The following ZNF469 variants were observed in gnomAD, a reference collection of about 807,000 sequenced individuals.
ZNF469 encodes zinc finger protein 469.
In ZNF469, 1 loss-of-function variant was observed where a neutral mutation model predicts 1.0. That is an observed-to-expected ratio of 1.00 (90% CI 0.35 to 4.73). The LOEUF (loss-of-function observed/expected upper bound fraction) is 4.73. Among genes scored for constraint, ZNF469 ranks in the 30% most tolerant of loss-of-function variants. The pLI is 0.16. For synonymous variants in ZNF469, 2,703 were observed against 2,363.4 expected, an observed-to-expected ratio of 1.14 and a Z score of -4.17; for missense variants, 6,100 against 5,356.3, an observed-to-expected ratio of 1.14 and a Z score of -4.33.
chr16:88,421,040 G>C (rs1905440780), intron 1 of ZNF469, among the ~76,000 whole-genome samples: 1 of 152,324 alleles, frequency 6.6e-6, no homozygotes, highest in East Asian at 1.9e-4. Context: ...GTGGGACCAG[G>C]GGCAGATTGG....
At chr16:88,394,523 G>A (rs8050582) in intron 1 of ZNF469, among the ~76,000 whole-genome samples, 56,278 of 152,144 alleles carry the variant, frequency 0.37, 11,863 homozygotes, top group African/African-American at 0.58. Context: ...CTTCCCGGTC[G>A]TATCATGAGC....
At position 88,438,536 on chromosome 16, in the gene ZNF469, C is replaced by G. The variant is rs943593777; in HGVS notation, c.11066C>G (p.Pro3689Arg). The G allele has an allele frequency of 1.3e-6, 2 of 1,550,038 alleles. No homozygotes were observed. Among genetic ancestry groups the G allele is most frequent in the South Asian group, 1.2e-5 (1 of 84,074 alleles). Residue 3689 changes from proline to arginine, a missense_variant, in exon 3 of 3, where the codon CCC becomes CGC. Transcript: ENST00000565624. ...SSKDRSAAST[P>R]SKALKFPVHP... ...AAGGACAGGTCGGCAGCATCCACCC[C>G]CAGCAAAGCACTCAAGTTCCCAGTG...
the ZNF469 span, among the ~76,000 whole-genome samples, chr16:88,345,873 A>C: frequency 6.6e-6 from 1 of 152,118 alleles, no homozygotes; most frequent in Non-Finnish European, 1.5e-5. Context: ...AGGCTTCAGC[A>C]ACTCTGCCCT....
chr16:88,170,732 G>A, the ZNF469 span, among the ~76,000 whole-genome samples: 19 of 152,284 alleles, frequency 1.2e-4, no homozygotes, highest in Middle Eastern at 3.4e-3. The surrounding 1 kb of genome is among the most constrained non-coding windows in gnomAD (Gnocchi z 4.2). Context: ...GAGCAGGGCC[G>A]ACACGTCTCA....
the ZNF469 span, among the ~76,000 whole-genome samples, chr16:88,169,821 CA>C: frequency 6.6e-6 from 1 of 152,220 alleles, no homozygotes; most frequent in African/African-American, 2.4e-5. The surrounding 1 kb of genome is among the most constrained non-coding windows in gnomAD (Gnocchi z 6.1). Flanking sequence ...ACCAGCGGTG[CA>C]TGAGGGTTCC....
the ZNF469 span, among the ~76,000 whole-genome samples, chr16:88,329,795 G>A: frequency 6.6e-6 from 1 of 152,230 alleles, no homozygotes; most frequent in African/African-American, 2.4e-5. Flanking sequence ...ACCCCAAGGT[G>A]AGAACAAGCT....
chr16:88,437,817 G>A lies in ZNF469; in HGVS notation c.10347G>A (p.Ala3449=). ...KHLRGGRQPF[A]FRGVRRPGAP... ...TCAGGGGGGGGCGGCAGCCCTTCGC[G>A]TTCCGCGGCGTGCGGAGGCCGGGAG... Residue 3449 remains alanine, a synonymous_variant, in exon 3 of 3, where the codon GCG becomes GCA. Coordinates refer to ENST00000565624, the MANE Select transcript of ZNF469 (RefSeq NM_001367624.2). The A allele has an allele frequency of 6.5e-7, 1 of 1,542,972 alleles. No homozygotes were observed. Among genetic ancestry groups the A allele is most frequent in the South Asian group, 1.2e-5 (1 of 83,814 alleles).
chr16:88,434,022 G>A lies in ZNF469; in HGVS notation c.6552G>A (p.Thr2184=), dbSNP rs12919507. The stretch of plus-strand genomic sequence containing the variant: ...AAGAGGCAGATGGCGTCCAAGCCAC[G>A]ACAGATACTGGGGCTGAGGATTCCC... The part of the protein sequence containing the change: ...PLEEADGVQA[T]TDTGAEDSPV... Residue 2184 remains threonine (T), a synonymous_variant, in exon 3 of 3, where the codon ACG becomes ACA. Transcript: ENST00000565624. 12 of 1,550,138 alleles carry A rather than the reference G, an allele frequency of 7.7e-6. No homozygotes were observed. The highest frequency in any genetic ancestry group is 5.5e-5 in the African/African-American group (4 of 73,022).
chr16:88,387,835 G>GC (rs922796464), intron 1 of ZNF469, among the ~76,000 whole-genome samples: 2 of 152,082 alleles, frequency 1.3e-5, no homozygotes, highest in African/African-American at 2.4e-5. Flanking sequence ...GAGGAGCTCT[G>GC]CCCCCCGCCG....
At chr16:88,203,272 G>A in the ZNF469 span, among the ~76,000 whole-genome samples, 92 of 152,268 alleles carry the variant, frequency 6.0e-4, 1 homozygote, top group African/African-American at 2.2e-3. Context: ...CAAGACCCGC[G>A]TCTAGGAAGA....
the ZNF469 span, among the ~76,000 whole-genome samples, chr16:88,195,581 G>C: frequency 6.6e-6 from 1 of 152,190 alleles, no homozygotes; most frequent in African/African-American, 2.4e-5. Context: ...GACGTGTCTT[G>C]GGGTGAGAGT....
chr16:88,176,526 T>C, the ZNF469 span, among the ~76,000 whole-genome samples: 7 of 152,224 alleles, frequency 4.6e-5, no homozygotes, highest in African/African-American at 1.7e-4. Flanking sequence ...CACTAGGGCG[T>C]TGGATAGCAG....
At chr16:88,190,280 G>A in the ZNF469 span, among the ~76,000 whole-genome samples, 2 of 152,214 alleles carry the variant, frequency 1.3e-5, no homozygotes, top group Admixed American at 6.5e-5. Flanking sequence ...GCCGAATATT[G>A]TCATTTTTAG....
At chr16:88,374,156 G>T in the ZNF469 span, among the ~76,000 whole-genome samples, 1 of 152,200 alleles carries the variant, frequency 6.6e-6, no homozygotes, top group Admixed American at 6.5e-5. Context: ...GAGGTACAGG[G>T]TGGACAGAAA....
the ZNF469 span, among the ~76,000 whole-genome samples, chr16:88,187,944 G>A: frequency 6.6e-6 from 1 of 152,024 alleles, no homozygotes; most frequent in Non-Finnish European, 1.5e-5. Context: ...GGGAAGAAAA[G>A]CGGGTGGGCA....
chr16:88,427,489 C>G lies in ZNF469; in HGVS notation c.19C>G (p.Arg7Gly). Residue 7 changes from arginine (R) to glycine (G), a missense_variant, in exon 3 of 3, where the codon CGA (arginine) becomes GGA (glycine). Physicochemically the swap from Arg to Gly is moderately radical, Grantham distance 125. Transcript: ENST00000565624. ...AGGGGCCATGCCTGGGGAGCGCCCC[C>G]GAGGAGCGCCGCCCCCCACCATGAC... is the stretch of plus-strand genomic sequence containing the variant. MPGERPRGAPPPTMTGD... is the reference protein window; with the variant it reads MPGERPGGAPPPTMTGD... 1 of 1,524,742 alleles carries G rather than the reference C, an allele frequency of 6.6e-7. No individual in the cohort carries two copies. The highest frequency in any genetic ancestry group is 1.2e-5 in the South Asian group (1 of 82,752). The allele number at this position is 1,524,742 out of a possible 1,614,324, so 94.5% of individuals were successfully genotyped here.
chr16:88,371,747 A>T, the ZNF469 span, among the ~76,000 whole-genome samples: 1 of 152,006 alleles, frequency 6.6e-6, no homozygotes, highest in Non-Finnish European at 1.5e-5. Context: ...TCTCAGTGAC[A>T]TCAACACATT....
chr16:88,259,204 T>A, the ZNF469 span, among the ~76,000 whole-genome samples: 3 of 152,120 alleles, frequency 2.0e-5, no homozygotes, highest in East Asian at 5.8e-4. The surrounding 1 kb of genome is among the most constrained non-coding windows in gnomAD (Gnocchi z 4.1). Context: ...ACCCACCGGC[T>A]TGTGAGTGGG....
the ZNF469 span, among the ~76,000 whole-genome samples, chr16:88,258,538 G>T: frequency 1.1e-4 from 17 of 152,170 alleles, no homozygotes; most frequent in South Asian, 3.3e-3. Context: ...GAGGGTTCTG[G>T]GCTAGAAGTT....
Sources: gnomAD v4.1 joint callset for allele counts (sites outside exome capture counted in the v4.1 genomes callset) on GRCh38, gnomAD v4.1.1 for gene constraint, Gnocchi (gnomAD v3.1) non-coding constraint, MANE v1.5 for transcripts, NCBI Gene and HGNC (gene_info 2026-07-23, HGNC 2026-07-21) for gene names.